Variants in ZNF296 observed in about 807,000 individuals in gnomAD.
ZNF296 encodes zinc finger protein 342.
ZNF296 carries 1 observed loss-of-function variant against 13.2 expected under a neutral mutation model. The ratio of observed to expected loss-of-function variants is 0.08; its 90% CI spans 0.03 to 0.36. The LOEUF is 0.36. Among genes scored for constraint, ZNF296 ranks in the 10% least tolerant of loss-of-function variants. ZNF296 has a pLI of 0.99. For missense variants in ZNF296, 555 were observed against 688.2 expected, an observed-to-expected ratio of 0.81 and a Z score of 2.16; for synonymous variants, 303 against 289.0, an observed-to-expected ratio of 1.05 and a Z score of -0.49.
Position 45,072,445 on chromosome 19 carries a change from G to C in ZNF296, c.584C>G (p.Pro195Arg). The C allele has an allele frequency of 6.2e-7, 1 of 1,612,916 alleles. No homozygotes were observed. The highest frequency in any genetic ancestry group is 8.5e-7 in the Non-Finnish European group (1 of 1,179,852). Residue 195 changes from proline (P) to arginine (R), a missense_variant, in exon 3 of 3, where the codon CCG becomes CGG. Around this residue, in one of 3 missense-constraint regions of ZNF296, gnomAD observed 410 missense variants for 548.0 expected, o/e 0.75. Transcript: ENST00000303809. Reference sequence around the variant, plus strand: ...AGCCACCTCGGCCAGGCCCAGGAGCGGGGCCTCCGGGGCCTCTGATTCTGT... The same window carrying C: ...AGCCACCTCGGCCAGGCCCAGGAGCCGGGCCTCCGGGGCCTCTGATTCTGT... ...YQTESEAPEA[P>R]LLGLAEVAAA...
At position 45,075,619 on chromosome 19, in the gene ZNF296, T is replaced by C. The variant is rs531071960; in HGVS notation, c.448+94A>G. The C allele has an allele frequency of 2.5e-4, 344 of 1,399,236 alleles. 1 individual carries two copies. Among genetic ancestry groups the C allele is most frequent in the Admixed American group, 5.2e-4 (26 of 50,208 alleles). The allele number at this position is 1,399,236 out of a possible 1,614,324, so 86.7% of individuals were successfully genotyped here. On this transcript the variant is annotated intron_variant, in intron 2 of 2. Transcript: ENST00000303809. ...CCGATGGGGAGCGAGAAAGGGGAAG[T>C]AGTGCTCAGTGCCCTGCCGTCCAGC...
At position 45,076,378 on chromosome 19, in the gene ZNF296, C is replaced by CGCGGGCCGGGCGAGCGAGCGG; in HGVS notation, c.-26_-6dup. 1 of 1,307,806 alleles carries CGCGGGCCGGGCGAGCGAGCGG rather than the reference C, an allele frequency of 7.6e-7. No homozygotes were observed. The highest frequency in any genetic ancestry group is 1.5e-5 in the African/African-American group (1 of 66,274). The allele number at this position is 1,307,806 out of a possible 1,614,324, so 81.0% of individuals were successfully genotyped here. On this transcript the variant is annotated 5_prime_UTR_variant, in exon 1 of 3. Coordinates refer to ENST00000303809, the MANE Select transcript of ZNF296 (RefSeq NM_145288.3). This position sits in a 1 kb window ranked among gnomAD's most constrained non-coding sequence, Gnocchi z 4.9. ...GCCGGCCTTGCGGCGGGACATGAGT[C>CGCGGGCCGGGCGAGCGAGCGG]GCGGGCCGGGCGAGCGAGCGGGCGG...
intron 2 of ZNF296, among the ~76,000 whole-genome samples, chr19:45,074,041 T>G (rs1967302009): frequency 6.8e-6 from 1 of 148,040 alleles, no homozygotes; most frequent in Non-Finnish European, 1.5e-5. Flanking sequence ...AAATTTTTTT[T>G]GGTTTAATAA....
chr19:45,071,853 C>T lies in ZNF296; in HGVS notation c.1176G>A (p.Gly392=). Reference sequence around the variant, plus strand: ...GGTTGCTGCTGTTGGTAAAATGCTTCCCGCAGAACTCACAGCTGCCCCCGG... The same window carrying T: ...GGTTGCTGCTGTTGGTAAAATGCTTTCCGCAGAACTCACAGCTGCCCCCGG... ...RGPGGSCEFC[G]KHFTNSSNLT... The change falls in exon 3 of 3, where the codon GGG becomes GGA. Residue 392 remains glycine, a synonymous_variant. Transcript: ENST00000303809. 1 of 1,613,202 alleles carries T rather than the reference C, an allele frequency of 6.2e-7. No homozygotes were observed.
At position 45,072,304 on chromosome 19, in the gene ZNF296, G is replaced by A; in HGVS notation, c.725C>T (p.Ser242Phe). 6.2e-7 allele frequency: 1 copy of A among 1,613,450 alleles called. No individual in the cohort carries two copies. The highest frequency in any genetic ancestry group is 1.6e-4 in the Middle Eastern group (1 of 6,062). Residue 242 changes from serine (S) to phenylalanine (F), a missense_variant, in exon 3 of 3, where the codon TCC becomes TTC. By Grantham distance (155) the Ser-to-Phe change is radical. Around this residue, in one of 3 missense-constraint regions of ZNF296, gnomAD observed 410 missense variants for 548.0 expected, o/e 0.75. Coordinates refer to ENST00000303809, the MANE Select transcript of ZNF296 (RefSeq NM_145288.3). ...TCPVCKKTLS[S>F]FSNLKVHMRS... ...CATGTGCACTTTGAGGTTGCTGAAGGAGCTGAGGGTCTTCTTGCACACAGG... is the reference window on the plus strand; with the variant it reads ...CATGTGCACTTTGAGGTTGCTGAAGAAGCTGAGGGTCTTCTTGCACACAGG...
At position 45,076,384 on chromosome 19, in the gene ZNF296, CCGGGCGAGCGAG is replaced by C. The variant is rs1215553687; in HGVS notation, c.-23_-12del. 2.3e-6 allele frequency: 3 copies of C among 1,289,568 alleles called. No homozygotes were observed. The African/African-American group carries it at 4.6e-5, about 20-fold the overall frequency. The allele number at this position is 1,289,568 out of a possible 1,614,324, so 79.9% of individuals were successfully genotyped here. On this transcript the variant is annotated 5_prime_UTR_variant, in exon 1 of 3. Transcript: ENST00000303809. The surrounding 1 kb of genome is among the most constrained non-coding windows in gnomAD (Gnocchi z 4.9). ...CTTGCGGCGGGACATGAGTCGCGGG[CCGGGCGAGCGAG>C]CGGGCGGGCAGGCAGGCAGGCGGGC...
chr19:45,074,371 G>A (rs1465131359), intron 2 of ZNF296, among the ~76,000 whole-genome samples: 1 of 152,070 alleles, frequency 6.6e-6, no homozygotes, highest in East Asian at 1.9e-4. Context: ...AAAATAATGG[G>A]GTAGCTACAG....
In ZNF296 at chr19:45,071,503, A is replaced by G. The variant is rs1049175553; in HGVS notation, c.*98T>C. On this transcript the variant is annotated 3_prime_UTR_variant, in exon 3 of 3. Coordinates refer to ENST00000303809, the MANE Select transcript of ZNF296 (RefSeq NM_145288.3). ...AAAGCCAGAGTCCAGACGGGTGTAA[A>G]TAAAAGGGAAAATTTACTTGGAGAA... is the stretch of plus-strand genomic sequence containing the variant. The G allele has an allele frequency of 7.4e-6, 11 of 1,482,478 alleles. No individual in the cohort carries two copies. The highest frequency in any genetic ancestry group is 2.3e-5 in the Admixed American group (1 of 43,172). 91.8% of individuals were successfully genotyped at this position (1,482,478 alleles called of 1,614,324 possible).
At chr19:45,075,564 G>T in intron 2 of ZNF296, 149 bp downstream of exon 2, 3 of 384,578 alleles carry the variant, frequency 7.8e-6, no homozygotes, top group Admixed American at 4.5e-5. Flanking sequence ...GCCCTAGGAC[G>T]GGCAGGCCCT....
rs1967345278 is a variant in ZNF296, at chr19:45,076,161, G to A, written c.213C>T (p.Gly71=). The change falls in exon 1 of 3, where the codon GGC becomes GGT. Residue 71 remains glycine (G), a synonymous_variant. Coordinates refer to ENST00000303809, the MANE Select transcript of ZNF296 (RefSeq NM_145288.3). This position sits in a 1 kb window ranked among gnomAD's most constrained non-coding sequence, Gnocchi z 4.9. ...GGAGGGCGGCCCCGGCGGGCATGGG[G>A]CCAGGGGAGTGGTGGGGTTCGCCGC... ...RFGGEPHHSP[G]PMPAGAALLA... 2 of 1,534,910 alleles carry A rather than the reference G, an allele frequency of 1.3e-6. No individual in the cohort carries two copies. The highest frequency in any genetic ancestry group is 8.7e-7 in the Non-Finnish European group (1 of 1,145,602).
intron 2 of ZNF296, among the ~76,000 whole-genome samples, chr19:45,073,095 C>T (rs1041574059): frequency 5.3e-5 from 8 of 152,132 alleles, no homozygotes; most frequent in South Asian, 2.1e-4. Flanking sequence ...ACTCAGTAAG[C>T]GCTTCCTACA....
rs143691010 is a variant in ZNF296, at chr19:45,071,856, G to A, written c.1173C>T (p.Cys391=). ...SRGPGGSCEF[C]GKHFTNSSNL... ...TGCTGCTGTTGGTAAAATGCTTCCC[G>A]CAGAACTCACAGCTGCCCCCGGGCC... The change falls in exon 3 of 3, where the codon TGC becomes TGT. Residue 391 remains cysteine (C), a synonymous_variant. Coordinates refer to ENST00000303809, the MANE Select transcript of ZNF296 (RefSeq NM_145288.3). 146 of 1,613,060 alleles carry A rather than the reference G, an allele frequency of 9.1e-5. No individual in the cohort carries two copies. In the African/African-American group the frequency reaches 1.4e-3, roughly 15 times the overall value.
Position 45,076,178 on chromosome 19 carries a change from G to A in ZNF296, c.196C>T (p.Pro66Ser). ...GGCATGGGGCCAGGGGAGTGGTGGG[G>A]TTCGCCGCCGAACCGCCCCGCCGAG... Reference protein sequence around the residue: ...VSSAGRFGGEPHHSPGPMPAG... With the variant: ...VSSAGRFGGESHHSPGPMPAG... Residue 66 changes from proline (P) to serine (S), a missense_variant, in exon 1 of 3, where the codon CCC becomes TCC. By Grantham distance (74) the Pro-to-Ser change is moderately conservative. Transcript: ENST00000303809. The surrounding 1 kb of genome is among the most constrained non-coding windows in gnomAD (Gnocchi z 4.9). 6.6e-7 allele frequency: 1 copy of A among 1,509,298 alleles called. No individual in the cohort carries two copies. The highest frequency in any genetic ancestry group is 8.8e-7 in the Non-Finnish European group (1 of 1,132,438). 93.5% of individuals were successfully genotyped at this position (1,509,298 alleles called of 1,614,324 possible). A position where few individuals can be genotyped will look rare whatever the true frequency, so the allele number is the denominator to read the frequency against.
rs1214226198 is a variant in ZNF296, at chr19:45,072,572, CCT to C, written c.455_456del (p.Glu152GlyfsTer63). The C allele has an allele frequency of 6.3e-7, 1 of 1,592,782 alleles. No individual in the cohort carries two copies. On this transcript the variant is annotated frameshift_variant, in exon 3 of 3. Coordinates refer to ENST00000303809, the MANE Select transcript of ZNF296 (RefSeq NM_145288.3). LOFTEE classifies it low-confidence loss of function (END_TRUNC). ...CGCAGGCAGCTCAAGGCCTTCAGCTCCTCTCGTTCTGGTAAGAAAAAGAGGCA... is the reference window on the plus strand; with the variant it reads ...CGCAGGCAGCTCAAGGCCTTCAGCTCCTCGTTCTGGTAAGAAAAAGAGGCA... ...GPSRGQGSER[E>X]ELKALSCLRC... is the part of the protein sequence containing the mutation.
At position 45,076,139 on chromosome 19, in the gene ZNF296, GGGCGGCCCC is replaced by G; in HGVS notation, c.226_234del (p.Gly76_Ala78del). On this transcript the variant is annotated inframe_deletion, in exon 1 of 3. Coordinates refer to ENST00000303809, the MANE Select transcript of ZNF296 (RefSeq NM_145288.3). The surrounding 1 kb of genome is among the most constrained non-coding windows in gnomAD (Gnocchi z 4.9). ...GGGTTCCGCGGGCCGAGGGCGAGGA[GGGCGGCCCC>G]GGCGGGCATGGGGCCAGGGGAGTGG... 6.4e-7 allele frequency: 1 copy of G among 1,552,906 alleles called. No homozygotes were observed. Among genetic ancestry groups the G allele is most frequent in the African/African-American group, 1.4e-5 (1 of 72,126 alleles).
At chr19:45,075,424 C>T (rs978066374) in intron 2 of ZNF296, among the ~76,000 whole-genome samples, 25 of 152,130 alleles carry the variant, frequency 1.6e-4, no homozygotes, top group African/African-American at 5.8e-4. Context: ...GAAGTGAAAC[C>T]AGGTTGGGGT....
In ZNF296 at chr19:45,076,421, C is replaced by G; in HGVS notation, c.-48G>C. ...GCGGGCGGGCAGGCAGGCAGGCGGG[C>G]GGGCGGAGGACGCACGAGCGGAGGA... On this transcript the variant is annotated 5_prime_UTR_variant, in exon 1 of 3. Transcript: ENST00000303809. This position sits in a 1 kb window ranked among gnomAD's most constrained non-coding sequence, Gnocchi z 4.9. 1 of 1,209,774 alleles carries G rather than the reference C, an allele frequency of 8.3e-7. No homozygotes were observed. The highest frequency in any genetic ancestry group is 1.0e-6 in the Non-Finnish European group (1 of 969,458). 74.9% of individuals were successfully genotyped at this position (1,209,774 alleles called of 1,614,324 possible). A position where few individuals can be genotyped will look rare whatever the true frequency, so the allele number is the denominator to read the frequency against.
intron 2 of ZNF296, among the ~76,000 whole-genome samples, chr19:45,073,531 G>T (rs558835770): frequency 2.0e-5 from 3 of 150,726 alleles, no homozygotes; most frequent in South Asian, 4.2e-4. Context: ...CAGGATGGTC[G>T]CGATCTCCTG....
At chr19:45,073,070 T>A (rs142620749) in intron 2 of ZNF296, among the ~76,000 whole-genome samples, 1 of 152,258 alleles carries the variant, frequency 6.6e-6, no homozygotes, top group Non-Finnish European at 1.5e-5. Context: ...GAAAATCTTT[T>A]AAAAAGTTAT....
Sources: gnomAD v4.1 joint callset for allele counts (sites outside exome capture counted in the v4.1 genomes callset) on GRCh38, gnomAD v4.1.1 for gene constraint, gnomAD v4.1.1 regional missense constraint, Gnocchi (gnomAD v3.1) non-coding constraint, MANE v1.5 for transcripts, NCBI Gene and HGNC (gene_info 2026-07-23, HGNC 2026-07-21) for gene names.